Variants in GPC5 observed in about 807,000 individuals in gnomAD.
GPC5 encodes the protein glypican 5, also known as glypican-5.
GPC5 carries 47 observed loss-of-function variants against 53.9 expected under a neutral mutation model. That is an observed-to-expected ratio of 0.87 (90% CI 0.69 to 1.11). The LOEUF (loss-of-function observed/expected upper bound fraction) is 1.11, where lower values mean the gene tolerates loss of function less well. Among genes scored for constraint, GPC5 ranks in the 50% most tolerant of loss-of-function variants. The probability of loss-of-function intolerance (pLI) is 0.00; values close to 1 mark genes in which losing one functional copy is unlikely to be tolerated. For synonymous variants in GPC5, 286 were observed against 263.3 expected (o/e 1.09, Z -0.84); for missense variants, 748 against 713.1 (o/e 1.05, Z -0.56).
chr13:91,538,189 C>G (rs901360991), intron 2 of GPC5, among the ~76,000 whole-genome samples: 2 of 152,194 alleles, frequency 1.3e-5, no homozygotes. Context: ...TTCATTCTAT[C>G]TAACCAGCAG....
intron 7 of GPC5, among the ~76,000 whole-genome samples, chr13:92,329,319 C>T (rs1267149916): frequency 6.6e-6 from 1 of 152,084 alleles, no homozygotes; most frequent in Non-Finnish European, 1.5e-5. Flanking sequence ...AAAGCAGGTA[C>T]ATCACATGTC....
At chr13:92,268,992 G>C (rs1240294552) in intron 7 of GPC5, among the ~76,000 whole-genome samples, 2 of 151,720 alleles carry the variant, frequency 1.3e-5, no homozygotes, top group Non-Finnish European at 2.9e-5. Flanking sequence ...TTTATATATA[G>C]GACTTCTTAA....
intron 5 of GPC5, among the ~76,000 whole-genome samples, chr13:91,779,891 T>TA (rs764865441): frequency 5.3e-5 from 8 of 150,948 alleles, no homozygotes; most frequent in African/African-American, 7.3e-5. Context: ...ATAGTTAACT[T>TA]AAAAAAAAAT....
intron 6 of GPC5, among the ~76,000 whole-genome samples, chr13:92,001,164 G>A (rs2040550732): frequency 6.6e-6 from 1 of 152,220 alleles, no homozygotes; most frequent in African/African-American, 2.4e-5. Flanking sequence ...TGAGGGTGAA[G>A]TTGTTAGTAC....
intron 7 of GPC5, among the ~76,000 whole-genome samples, chr13:92,153,568 C>T (rs1204204423): frequency 6.6e-6 from 1 of 152,160 alleles, no homozygotes; most frequent in Non-Finnish European, 1.5e-5. Context: ...CAATGTTGTT[C>T]TAAACCATCT....
rs186761289 is a variant in GPC5, at chr13:92,554,117, T to G, written c.1562-312165T>G. ...AATCATGGTTCAATAAGGGGCAGAG[T>G]AAGAGGAAGAGTTAAGACACAGTAT... is the stretch of plus-strand genomic sequence containing the variant. On this transcript the variant is annotated intron_variant, in intron 7 of 7. Transcript: ENST00000377067. Among the ~76,000 whole-genome samples the G allele has an allele frequency of 2.8e-3, 422 of 151,892 alleles. 3 individuals are homozygous for G. Among genetic ancestry groups the G allele is most frequent in the African/African-American group, 9.5e-3 (394 of 41,452 alleles).
At chr13:92,553,141 T>C (rs1292360884) in intron 7 of GPC5, among the ~76,000 whole-genome samples, 1 of 152,000 alleles carries the variant, frequency 6.6e-6, no homozygotes, top group Non-Finnish European at 1.5e-5. Flanking sequence ...GCTATTTGTT[T>C]CTGCATTTCT....
At chr13:92,585,086 C>T (rs1457639136) in intron 7 of GPC5, among the ~76,000 whole-genome samples, 2 of 152,106 alleles carry the variant, frequency 1.3e-5, no homozygotes, top group Non-Finnish European at 1.5e-5. Flanking sequence ...TCAGAGACCC[C>T]ACACAGAGTC....
intron 2 of GPC5, among the ~76,000 whole-genome samples, chr13:91,547,236 C>A (rs2030348666): frequency 6.6e-6 from 1 of 152,040 alleles, no homozygotes; most frequent in African/African-American, 2.4e-5. Context: ...GTCTGGAACT[C>A]AGGCTGCTGG....
chr13:92,419,025 A>T (rs1312880926), intron 7 of GPC5, among the ~76,000 whole-genome samples: 1 of 152,218 alleles, frequency 6.6e-6, no homozygotes. Flanking sequence ...CACGTGGCTT[A>T]TAAGATGTGC....
chr13:92,735,974 C>A (rs1048365080), intron 7 of GPC5, among the ~76,000 whole-genome samples: 1 of 151,878 alleles, frequency 6.6e-6, no homozygotes, highest in Non-Finnish European at 1.5e-5. Flanking sequence ...CTGGAGAGTG[C>A]AATACTCAAT....
At chr13:92,623,617 AC>A (rs1884948529) in intron 7 of GPC5, among the ~76,000 whole-genome samples, 1 of 152,234 alleles carries the variant, frequency 6.6e-6, no homozygotes, top group African/African-American at 2.4e-5. Flanking sequence ...GTGGATTGTT[AC>A]GGCAAATCTT....
At chr13:92,574,589 G>A (rs969425444) in intron 7 of GPC5, among the ~76,000 whole-genome samples, 3 of 151,994 alleles carry the variant, frequency 2.0e-5, no homozygotes, top group African/African-American at 7.2e-5. Flanking sequence ...TTATATTCAT[G>A]TGAAAGAACT....
At chr13:91,441,933 G>A (rs529081653) in intron 1 of GPC5, among the ~76,000 whole-genome samples, 1 of 152,232 alleles carries the variant, frequency 6.6e-6, no homozygotes, top group South Asian at 2.1e-4. Context: ...TGATCTCAAT[G>A]TATTGGTACC....
chr13:91,899,921 G>C (rs1393238503), intron 5 of GPC5, among the ~76,000 whole-genome samples: 1 of 152,078 alleles, frequency 6.6e-6, no homozygotes, highest in East Asian at 1.9e-4. Flanking sequence ...AACCCACCAA[G>C]TTTGTGATAA....
chr13:91,790,691 T>A (rs1265835601), intron 5 of GPC5, among the ~76,000 whole-genome samples: 1 of 152,252 alleles, frequency 6.6e-6, no homozygotes, highest in East Asian at 1.9e-4. Flanking sequence ...ACTGAGAACT[T>A]GTAATTACTT....
At chr13:92,473,567 G>A (rs1878988335) in intron 7 of GPC5, among the ~76,000 whole-genome samples, 2 of 152,050 alleles carry the variant, frequency 1.3e-5, no homozygotes, top group African/African-American at 2.4e-5. Flanking sequence ...ATAGGAAATG[G>A]CTAATTTATT....
intron 5 of GPC5, among the ~76,000 whole-genome samples, chr13:91,876,392 A>G (rs529132827): frequency 6.6e-6 from 1 of 152,324 alleles, no homozygotes; most frequent in East Asian, 1.9e-4. Flanking sequence ...GGCTTTGCCC[A>G]AAATGCTGGT....
intron 7 of GPC5, among the ~76,000 whole-genome samples, chr13:92,512,287 A>G (rs986105225): frequency 1.3e-5 from 2 of 152,034 alleles, no homozygotes; most frequent in African/African-American, 2.4e-5. Flanking sequence ...ATGCACGCTC[A>G]TGGTAACACA....
Sources: allele counts gnomAD v4.1 joint callset (sites outside exome capture counted in the v4.1 genomes callset), GRCh38; gene constraint gnomAD v4.1.1; transcripts MANE v1.5; gene names NCBI Gene and HGNC (gene_info 2026-07-23, HGNC 2026-07-21).